PPARGC1A: variants seen among roughly 807,000 people sequenced by gnomAD.
PPARGC1A encodes PPARG coactivator 1 alpha, also known as peroxisome proliferator-activated receptor gamma coactivator 1-alpha.
PPARGC1A carries 25 observed loss-of-function variants against 88.7 expected under a neutral mutation model. The ratio of observed to expected loss-of-function variants is 0.28; its 90% CI spans 0.21 to 0.39. The LOEUF (loss-of-function observed/expected upper bound fraction) is 0.39. Ranked by LOEUF, PPARGC1A falls within the 10% of genes least tolerant of loss-of-function variation. The probability of loss-of-function intolerance (pLI) is 1.00; values close to 1 mark genes in which losing one functional copy is unlikely to be tolerated. For missense variants in PPARGC1A, 880 were observed against 968.7 expected (o/e 0.91, Z 1.22); for synonymous variants, 363 against 355.6 (o/e 1.02, Z -0.24).
chr4:24,375,591 A>C, the PPARGC1A span, among the ~76,000 whole-genome samples: 1 of 152,224 alleles, frequency 6.6e-6, no homozygotes. Context: ...CAGGCAGCGC[A>C]GTACAAGCTG....
At chr4:24,344,796 G>C in the PPARGC1A span, among the ~76,000 whole-genome samples, 1 of 152,008 alleles carries the variant, frequency 6.6e-6, no homozygotes, top group African/African-American at 2.4e-5. Flanking sequence ...TGTTGCATTT[G>C]CTTTTGGGTT....
chr4:24,134,621 T>G, the PPARGC1A span, among the ~76,000 whole-genome samples: 2 of 152,232 alleles, frequency 1.3e-5, no homozygotes, highest in African/African-American at 4.8e-5. Flanking sequence ...ACATTATCCT[T>G]ATTTTTCTAA....
intron 2 of PPARGC1A, among the ~76,000 whole-genome samples, chr4:23,862,236 A>G (rs140897430): frequency 2.6e-5 from 4 of 152,342 alleles, no homozygotes; most frequent in Non-Finnish European, 5.9e-5. Context: ...ACTTGGACAA[A>G]GTCAGGTCAA....
the PPARGC1A span, among the ~76,000 whole-genome samples, chr4:23,961,587 C>T: frequency 2.0e-5 from 3 of 152,138 alleles, no homozygotes; most frequent in African/African-American, 4.8e-5. Context: ...TCGCTATCTC[C>T]CACACTGCCC....
chr4:24,002,097 CAGAGAGAGAG>C, the PPARGC1A span, among the ~76,000 whole-genome samples: 2 of 125,324 alleles, frequency 1.6e-5, no homozygotes, highest in Non-Finnish European at 3.3e-5. Context: ...CACACACACA[CAGAGAGAGAG>C]AGAGAGAGAG....
chr4:24,174,520 G>A, the PPARGC1A span, among the ~76,000 whole-genome samples: 55 of 152,280 alleles, frequency 3.6e-4, 1 homozygote, highest in South Asian at 8.5e-3. Flanking sequence ...CACTCACTGC[G>A]GACATATATG....
chr4:24,114,442 G>T, the PPARGC1A span, among the ~76,000 whole-genome samples: 413 of 152,256 alleles, frequency 2.7e-3, 5 homozygotes, highest in East Asian at 0.051. Flanking sequence ...AAAAAACAGG[G>T]TTTTAACTGC....
the PPARGC1A span, among the ~76,000 whole-genome samples, chr4:23,939,319 C>T: frequency 6.6e-6 from 1 of 151,944 alleles, no homozygotes; most frequent in African/African-American, 2.4e-5. Context: ...TTTTGAAATA[C>T]CAAAATGGCT....
the PPARGC1A span, among the ~76,000 whole-genome samples, chr4:24,412,210 GA>G: frequency 6.6e-6 from 1 of 152,062 alleles, no homozygotes; most frequent in Non-Finnish European, 1.5e-5. Flanking sequence ...TCAAAATGAA[GA>G]AACAGTCCAG....
chr4:24,261,209 A>G, the PPARGC1A span, among the ~76,000 whole-genome samples: 3 of 152,074 alleles, frequency 2.0e-5, no homozygotes, highest in Non-Finnish European at 4.4e-5. Context: ...TTCATGTCTC[A>G]TCACTACAAT....
the PPARGC1A span, among the ~76,000 whole-genome samples, chr4:24,342,830 C>T: frequency 1.3e-5 from 2 of 152,188 alleles, no homozygotes; most frequent in South Asian, 2.1e-4. Flanking sequence ...CCTGGGATAC[C>T]TTGCTCTGCT....
At chr4:23,879,554 CG>C (rs1290953285) in intron 2 of PPARGC1A, among the ~76,000 whole-genome samples, 4 of 152,150 alleles carry the variant, frequency 2.6e-5, no homozygotes, top group Non-Finnish European at 5.9e-5. Flanking sequence ...TCTCTCTATC[CG>C]AACTCAGAGT....
chr4:24,163,639 C>G, the PPARGC1A span, among the ~76,000 whole-genome samples: 2 of 152,170 alleles, frequency 1.3e-5, no homozygotes, highest in Non-Finnish European at 2.9e-5. Flanking sequence ...CCGCAAAAAG[C>G]TAGCAAATAC....
the PPARGC1A span, among the ~76,000 whole-genome samples, chr4:24,055,913 A>G: frequency 0.36 from 54,541 of 152,176 alleles, 10,299 homozygotes; most frequent in South Asian, 0.44. Context: ...ATTAGGGAAC[A>G]CTTTCGTCAG....
At chr4:24,217,667 G>A in the PPARGC1A span, among the ~76,000 whole-genome samples, 1 of 152,162 alleles carries the variant, frequency 6.6e-6, no homozygotes, top group Admixed American at 6.5e-5. Context: ...GCCCTGTGTG[G>A]TGGTGCACAC....
chr4:24,106,418 AG>A, the PPARGC1A span, among the ~76,000 whole-genome samples: 2 of 152,212 alleles, frequency 1.3e-5, no homozygotes, highest in Non-Finnish European at 2.9e-5. Context: ...AACCTGATTC[AG>A]GGGCAGGTCG....
chr4:23,968,911 CCAAAACAAAACAAAA>C, the PPARGC1A span, among the ~76,000 whole-genome samples: 1 of 150,776 alleles, frequency 6.6e-6, no homozygotes, highest in Non-Finnish European at 1.5e-5. Flanking sequence ...AAACTCCATC[CCAAAACAAAACAAAA>C]CAAAACAAAA....
At chr4:24,382,283 T>C in the PPARGC1A span, among the ~76,000 whole-genome samples, 1 of 152,326 alleles carries the variant, frequency 6.6e-6, no homozygotes, top group African/African-American at 2.4e-5. Context: ...CATTTAATTA[T>C]AAATTATACG....
the PPARGC1A span, among the ~76,000 whole-genome samples, chr4:24,286,212 T>A: frequency 1.3e-5 from 2 of 151,380 alleles, no homozygotes; most frequent in African/African-American, 2.4e-5. Flanking sequence ...CAAAATAGAG[T>A]CTTAAAGTCA....
Sources: gnomAD v4.1 joint callset for allele counts (sites outside exome capture counted in the v4.1 genomes callset) on GRCh38, gnomAD v4.1.1 for gene constraint, MANE v1.5 for transcripts, NCBI Gene and HGNC (gene_info 2026-07-23, HGNC 2026-07-21) for gene names.